Variants in TOMT observed in about 807,000 individuals in gnomAD.
TOMT encodes the protein transmembrane O-methyltransferase.
TOMT carries 23 observed loss-of-function variants against 21.7 expected under a neutral mutation model. That is an observed-to-expected ratio of 1.06 (90% CI 0.76 to 1.50). TOMT has a LOEUF of 1.50. Ranked by LOEUF, TOMT falls within the 40% of genes most tolerant of loss-of-function variation. TOMT has a pLI of 0.00. For synonymous variants in TOMT, 132 were observed against 150.8 expected, an observed-to-expected ratio of 0.88 and a Z score of 0.91; for missense variants, 331 against 348.7, an observed-to-expected ratio of 0.95 and a Z score of 0.41.
chr11:72,108,018 G>A lies in TOMT; in HGVS notation c.355G>A (p.Ala119Thr). The A allele has an allele frequency of 1.3e-6, 2 of 1,551,662 alleles. No individual in the cohort carries two copies. The highest frequency in any genetic ancestry group is 1.7e-6 in the Non-Finnish European group (2 of 1,146,944). Residue 119 changes from alanine (A) to threonine (T), a missense_variant, in exon 2 of 3, where the codon GCC becomes ACC. Coordinates refer to ENST00000541899, the Ensembl canonical transcript of TOMT. The stretch of plus-strand genomic sequence containing the variant: ...ATACTCTACCCTGCTTATTGCCCGA[G>A]CCCTGCCCCCTGGGGGTCGCCTTCT...
chr11:72,106,421 AG>A (rs1479646286), intron 1 of TOMT: 1 of 528,194 alleles, frequency 1.9e-6, no homozygotes, highest in African/African-American at 1.9e-5. Flanking sequence ...GGAATGTGCT[AG>A]GTGCCAGGGA....
chr11:72,105,936 G>A, exon 1 of TOMT: 1 of 1,534,286 alleles, frequency 6.5e-7, no homozygotes, highest in Non-Finnish European at 8.8e-7. Flanking sequence ...TCCACCCCAG[G>A]GCCCAGGTAG....
intron 2 of TOMT, 108 bp from the exon 3 acceptor site, chr11:72,108,497 T>C: frequency 2.1e-6 from 2 of 953,582 alleles, no homozygotes; most frequent in Admixed American, 3.1e-5. Flanking sequence ...AGAACACTCA[T>C]GGGAAGCTAA....
exon 3 of TOMT, chr11:72,108,875 C>T (rs987315987): frequency 6.5e-7 from 1 of 1,550,306 alleles, no homozygotes; most frequent in African/African-American, 1.4e-5. Flanking sequence ...TCCAGACTTC[C>T]CTGCCATCAA....
intron 2 of TOMT, 101 bp from the exon 3 acceptor site, chr11:72,108,504 C>T: frequency 9.4e-7 from 1 of 1,064,050 alleles, no homozygotes; most frequent in Non-Finnish European, 1.3e-6. Context: ...TCATGGGAAG[C>T]TAAGCCAGGA....
intron 1 of TOMT, chr11:72,107,420 G>C: frequency 1.4e-6 from 1 of 701,410 alleles, no homozygotes; most frequent in South Asian, 1.5e-5. Flanking sequence ...TGGAGAAAGA[G>C]CAACATTTGA....
exon 3 of TOMT, chr11:72,109,246 T>C (rs1946083373): frequency 8.8e-6 from 4 of 456,178 alleles, no homozygotes; most frequent in South Asian, 6.9e-5. Flanking sequence ...TGAGATTTAA[T>C]CTTCTCTCTT....
At chr11:72,108,443 A>G (rs149183061) in intron 2 of TOMT, among the ~76,000 whole-genome samples, 162 bp from the exon 3 acceptor site, 16 of 152,350 alleles carry the variant, frequency 1.1e-4, no homozygotes, top group African/African-American at 3.8e-4. Context: ...GGAAATCACA[A>G]TACTGATCCT....
exon 3 of TOMT, chr11:72,108,665 C>A: frequency 6.5e-7 from 1 of 1,528,090 alleles, no homozygotes; most frequent in South Asian, 1.3e-5. Flanking sequence ...CCAGTATCAG[C>A]TGAGTCGGGC....
exon 1 of TOMT, chr11:72,106,015 C>A (rs1220569323): frequency 6.4e-7 from 1 of 1,551,124 alleles, no homozygotes; most frequent in African/African-American, 1.4e-5. Flanking sequence ...GCGGTACCGG[C>A]ACTACTTCCG....
At chr11:72,106,385 C>T (rs900829173) in intron 1 of TOMT, 175 bp downstream of exon 1, 12 of 643,808 alleles carry the variant, frequency 1.9e-5, no homozygotes, top group Non-Finnish European at 1.7e-5. Context: ...ATTCAGCAAA[C>T]ATTTATTGCC....
At position 72,105,986 on chromosome 11, in the gene TOMT, T is replaced by TG; in HGVS notation, c.37dup (p.Val13GlyfsTer49). ...GCCATTGCATTGGCCTTCCTGCCAC[T>TG]GGTGGTAACATTGCTGGTGCGGTAC... On this transcript the variant is annotated frameshift_variant, in exon 1 of 3. Coordinates refer to ENST00000541899, the Ensembl canonical transcript of TOMT. LOFTEE classifies it high-confidence loss of function. 6.4e-7 allele frequency: 1 copy of TG among 1,550,566 alleles called. No individual in the cohort carries two copies. Among genetic ancestry groups the TG allele is most frequent in the Non-Finnish European group, 8.7e-7 (1 of 1,146,886 alleles).
exon 3 of TOMT, chr11:72,109,035 G>A (rs1204512529): frequency 2.1e-6 from 2 of 956,726 alleles, no homozygotes; most frequent in African/African-American, 1.7e-5. Context: ...CTGGGCTCAG[G>A]GCTAGGGAGT....
rs1457436162 is a variant in TOMT at position 72,109,179 on chromosome 11, C to T, written c.*254C>T. The T allele has an allele frequency of 3.5e-5, 18 of 519,074 alleles. No individual in the cohort carries two copies. The East Asian group carries it at 4.6e-4, about 13-fold the overall frequency. The allele number at this position is 519,074 out of a possible 1,614,324, so 32.2% of individuals were successfully genotyped here. On this transcript the variant is annotated 3_prime_UTR_variant, in exon 3 of 3. Transcript: ENST00000541899. ...ACTGACAGCAAGAAGCCTGAGCTCC[C>T]GACCCAGCTCTGTCACTGATTTGCT... is the stretch of plus-strand genomic sequence containing the variant.
exon 1 of TOMT, chr11:72,105,943 G>C: frequency 1.9e-6 from 3 of 1,544,180 alleles, no homozygotes; most frequent in Non-Finnish European, 2.6e-6. Context: ...CAGGGCCCAG[G>C]TAGGGACCAT....
intron 1 of TOMT, 38 bp from the exon 2 acceptor site, chr11:72,107,885 T>C (rs1461736444): frequency 1.9e-6 from 3 of 1,549,710 alleles, no homozygotes; most frequent in Admixed American, 3.9e-5. Flanking sequence ...CCTGCATCCA[T>C]CTCCCATGTC....
At chr11:72,109,388 A>C (rs1946111192), downstream of TOMT, 2 of 460,518 alleles carry the variant, frequency 4.3e-6, no homozygotes, top group Non-Finnish European at 8.7e-6. Context: ...GCCCTGCAGG[A>C]ATAGCTGGAT....
exon 1 of TOMT, chr11:72,105,929 AC>A: frequency 6.5e-7 from 1 of 1,530,188 alleles, no homozygotes; most frequent in East Asian, 2.5e-5. Flanking sequence ...ACCTCCCTCC[AC>A]CCCAGGGCCC....
chr11:72,109,580 A>C (rs1454766334), downstream of TOMT: 7 of 517,236 alleles, frequency 1.4e-5, no homozygotes, highest in Non-Finnish European at 2.5e-5. Context: ...TAGGGAATAG[A>C]CATGGGTGGA....
Sources: gnomAD v4.1 joint callset for allele counts (sites outside exome capture counted in the v4.1 genomes callset) on GRCh38, gnomAD v4.1.1 for gene constraint, MANE v1.5 for transcripts, NCBI Gene and HGNC (gene_info 2026-07-23, HGNC 2026-07-21) for gene names.